The following PTPRD variants were observed in gnomAD, a reference collection of about 807,000 sequenced individuals.
PTPRD encodes the protein receptor-type tyrosine-protein phosphatase delta.
A neutral mutation model predicts 214.5 loss-of-function variants in PTPRD; 34 were observed. The ratio of observed to expected loss-of-function variants is 0.16; its 90% confidence interval spans 0.12 to 0.21. The LOEUF (loss-of-function observed/expected upper bound fraction) is 0.21, where lower values mean the gene tolerates loss of function less well. Ranked by LOEUF, PTPRD falls within the 10% of genes least tolerant of loss-of-function variation. The pLI is 1.00. For synonymous variants in PTPRD, 1,128 were observed against 845.7 expected (o/e 1.33, Z -5.79); for missense variants, 2,545 against 2,398.7 (o/e 1.06, Z -1.27).
chr9:9,078,017 T>C (rs1019791336), intron 10 of PTPRD, among the ~76,000 whole-genome samples: 1 of 152,096 alleles, frequency 6.6e-6, no homozygotes, highest in Non-Finnish European at 1.5e-5. Flanking sequence ...AAATGTATGC[T>C]AGATTTCTAT....
chr9:8,898,198 T>C (rs550523459), intron 11 of PTPRD, among the ~76,000 whole-genome samples: 1 of 152,312 alleles, frequency 6.6e-6, no homozygotes, highest in South Asian at 2.1e-4. Context: ...TTTACTCATA[T>C]TCTCTTTTAT....
At chr9:8,573,374 T>A (rs917941965) in intron 14 of PTPRD, among the ~76,000 whole-genome samples, 4 of 152,010 alleles carry the variant, frequency 2.6e-5, no homozygotes, top group African/African-American at 9.7e-5. Context: ...TTTAAAATAA[T>A]CTATAATAGA....
chr9:10,319,946 T>C (rs1189055025), intron 3 of PTPRD, among the ~76,000 whole-genome samples: 1 of 152,144 alleles, frequency 6.6e-6, no homozygotes, highest in Non-Finnish European at 1.5e-5. Flanking sequence ...AAAAAATATA[T>C]TTTTCAGTGA....
intron 7 of PTPRD, among the ~76,000 whole-genome samples, chr9:9,698,468 A>T (rs1425063215): frequency 6.6e-6 from 1 of 152,154 alleles, no homozygotes; most frequent in Non-Finnish European, 1.5e-5. Context: ...GTATGAGAAG[A>T]CTGGGTAGGG....
intron 8 of PTPRD, among the ~76,000 whole-genome samples, chr9:9,508,743 T>C (rs1256017200): frequency 6.6e-6 from 1 of 151,630 alleles, no homozygotes. Context: ...AGAACATTCA[T>C]CCTTCAGCAA....
intron 12 of PTPRD, among the ~76,000 whole-genome samples, chr9:8,693,234 T>A (rs10122379): frequency 0.036 from 5,557 of 152,292 alleles, 181 homozygotes; most frequent in African/African-American, 0.081. Flanking sequence ...CTGTAAATCC[T>A]GTCTACTTCC....
At chr9:9,898,162 G>A (rs1459056309) in intron 5 of PTPRD, among the ~76,000 whole-genome samples, 2 of 151,982 alleles carry the variant, frequency 1.3e-5, no homozygotes, top group Non-Finnish European at 2.9e-5. Context: ...TTTTAAATAT[G>A]TTTTAGGGAT....
At chr9:9,396,093 T>C (rs2067698088) in intron 9 of PTPRD, among the ~76,000 whole-genome samples, 1 of 152,042 alleles carries the variant, frequency 6.6e-6, no homozygotes, top group African/African-American at 2.4e-5. Flanking sequence ...ACATAGAAGC[T>C]AGTCAAGACC....
chr9:9,302,270 A>G (rs1955590969), intron 9 of PTPRD, among the ~76,000 whole-genome samples: 1 of 151,874 alleles, frequency 6.6e-6, no homozygotes, highest in Non-Finnish European at 1.5e-5. Flanking sequence ...ATTATCTTCT[A>G]TGTCCTTTTG....
At chr9:8,410,291 G>C (rs780403926) in intron 35 of PTPRD, among the ~76,000 whole-genome samples, 1 of 152,218 alleles carries the variant, frequency 6.6e-6, no homozygotes, top group African/African-American at 2.4e-5. Flanking sequence ...TGTGAGGAAG[G>C]AGTGGAAAGT....
At chr9:10,123,556 C>A (rs756542146) in intron 3 of PTPRD, among the ~76,000 whole-genome samples, 3 of 152,118 alleles carry the variant, frequency 2.0e-5, no homozygotes, top group Non-Finnish European at 4.4e-5. Context: ...CCTTCATGAA[C>A]CATCTTGTTA....
At chr9:8,796,631 C>T (rs955884148) in intron 11 of PTPRD, among the ~76,000 whole-genome samples, 6 of 152,156 alleles carry the variant, frequency 3.9e-5, no homozygotes, top group African/African-American at 1.4e-4. Context: ...TAACTTATCA[C>T]ATCAAATCAT....
intron 7 of PTPRD, among the ~76,000 whole-genome samples, chr9:9,675,329 A>T (rs1216863679): frequency 6.6e-6 from 1 of 151,896 alleles, no homozygotes; most frequent in East Asian, 1.9e-4. Context: ...TAATAAAAAT[A>T]TGAAGAATGC....
intron 11 of PTPRD, among the ~76,000 whole-genome samples, chr9:8,968,937 G>T (rs978874162): frequency 2.0e-5 from 3 of 151,974 alleles, no homozygotes; most frequent in Non-Finnish European, 2.9e-5. Context: ...ATGATAGCTT[G>T]GTAGAGAAAA....
intron 5 of PTPRD, among the ~76,000 whole-genome samples, chr9:9,822,804 G>A (rs1202546610): frequency 6.6e-6 from 1 of 151,984 alleles, no homozygotes; most frequent in Non-Finnish European, 1.5e-5. Context: ...ACGATTCTCA[G>A]CGAAATAATA....
chr9:8,600,851 G>A (rs1206165800), intron 14 of PTPRD, among the ~76,000 whole-genome samples: 1 of 151,926 alleles, frequency 6.6e-6, no homozygotes, highest in South Asian at 2.1e-4. Context: ...GGTGGCTATG[G>A]GGAGAAACTG....
At chr9:8,623,582 T>C (rs182757222) in intron 14 of PTPRD, among the ~76,000 whole-genome samples, 17 of 152,026 alleles carry the variant, frequency 1.1e-4, no homozygotes, top group Admixed American at 8.5e-4. Flanking sequence ...CTACTGATCA[T>C]AGTAATACTA....
At chr9:9,847,812 G>C (rs781599807) in intron 5 of PTPRD, among the ~76,000 whole-genome samples, 8 of 151,994 alleles carry the variant, frequency 5.3e-5, no homozygotes, top group Admixed American at 1.3e-4. Context: ...GTGGAGCTGA[G>C]CCCTCAGGCT....
intron 3 of PTPRD, among the ~76,000 whole-genome samples, chr9:10,123,981 G>C (rs2098796534): frequency 6.6e-6 from 1 of 152,126 alleles, no homozygotes; most frequent in African/African-American, 2.4e-5. Flanking sequence ...AACAATGTAG[G>C]TGTGAAGCTA....
Sources: gnomAD v4.1 joint callset for allele counts (sites outside exome capture counted in the v4.1 genomes callset) on GRCh38, gnomAD v4.1.1 for gene constraint, MANE v1.5 for transcripts, NCBI Gene and HGNC (gene_info 2026-07-23, HGNC 2026-07-21) for gene names.